STIM1: variants seen among roughly 807,000 people sequenced by gnomAD.
STIM1 encodes stromal interaction molecule 1.
STIM1 carries 25 observed loss-of-function variants against 74.7 expected under a neutral mutation model. The ratio of observed to expected loss-of-function variants is 0.33; its 90% CI spans 0.24 to 0.47. The LOEUF (loss-of-function observed/expected upper bound fraction) is 0.47, where lower values mean the gene tolerates loss of function less well. Ranked by LOEUF, STIM1 falls within the 20% of genes least tolerant of loss-of-function variation. The pLI is 1.00. For synonymous variants in STIM1, 328 were observed against 348.8 expected, an observed-to-expected ratio of 0.94 and a Z score of 0.66; for missense variants, 728 against 920.8, an observed-to-expected ratio of 0.79 and a Z score of 2.71.
chr11:4,012,446 T>C (rs2093847322), intron 2 of STIM1, among the ~76,000 whole-genome samples: 1 of 152,202 alleles, frequency 6.6e-6, no homozygotes, highest in Non-Finnish European at 1.5e-5. Flanking sequence ...TCACATCCCT[T>C]GTAAGTTGGA....
intron 1 of STIM1, among the ~76,000 whole-genome samples, chr11:3,946,436 A>T (rs1461083852): frequency 6.6e-6 from 1 of 152,186 alleles, no homozygotes; most frequent in Non-Finnish European, 1.5e-5. Context: ...AAACCCAGAG[A>T]TGCTTCTGAG....
intron 12 of STIM1, among the ~76,000 whole-genome samples, chr11:4,088,420 C>T (rs11030907): frequency 4.6e-5 from 7 of 152,100 alleles, no homozygotes; most frequent in African/African-American, 1.7e-4. Flanking sequence ...TGCTTGAGGG[C>T]TGTTCCTTTC....
chr11:4,052,908 A>C (rs920936147), intron 3 of STIM1, among the ~76,000 whole-genome samples: 1 of 152,198 alleles, frequency 6.6e-6, no homozygotes, highest in African/African-American at 2.4e-5. Context: ...ACCCCATCAA[A>C]AAGTAGGCGA....
chr11:4,016,541 G>A (rs895844302), intron 2 of STIM1, among the ~76,000 whole-genome samples: 4 of 152,178 alleles, frequency 2.6e-5, no homozygotes, highest in African/African-American at 4.8e-5. Context: ...GTCCATTATC[G>A]GAGCTCAAAC....
chr11:4,020,960 A>AT (rs1205421987), intron 2 of STIM1, among the ~76,000 whole-genome samples: 2 of 151,092 alleles, frequency 1.3e-5, no homozygotes, highest in African/African-American at 4.9e-5. Flanking sequence ...TTTTAATCTG[A>AT]TTTTTTTTCT....
chr11:3,954,376 G>A (rs774945259), intron 1 of STIM1, among the ~76,000 whole-genome samples: 18 of 152,044 alleles, frequency 1.2e-4, no homozygotes, highest in Non-Finnish European at 2.1e-4. Flanking sequence ...AATGTTCATT[G>A]AAGTCTAACC....
intron 1 of STIM1, among the ~76,000 whole-genome samples, chr11:3,933,476 A>G (rs2092895386): frequency 1.3e-5 from 2 of 152,230 alleles, no homozygotes; most frequent in African/African-American, 4.8e-5. Context: ...GTTTAGGTCC[A>G]ACTCTAAAGT....
At chr11:3,963,981 T>C (rs2093315752) in intron 1 of STIM1, among the ~76,000 whole-genome samples, 1 of 152,218 alleles carries the variant, frequency 6.6e-6, no homozygotes, top group African/African-American at 2.4e-5. Flanking sequence ...ATACTTCAAA[T>C]GTATTAAATG....
intron 8 of STIM1, among the ~76,000 whole-genome samples, chr11:4,082,562 G>A (rs962107540): frequency 6.6e-6 from 1 of 152,168 alleles, no homozygotes; most frequent in Non-Finnish European, 1.5e-5. Context: ...ATTCCTGCCT[G>A]TCTTCTGGGA....
chr11:4,074,775 A>C, intron 7 of STIM1, 96 bp downstream of exon 7: 1 of 1,326,020 alleles, frequency 7.5e-7, no homozygotes, highest in Non-Finnish European at 1.0e-6. Context: ...AGGAATTTGA[A>C]ATATGATCCA....
chr11:3,958,021 A>G (rs905210074), intron 1 of STIM1, among the ~76,000 whole-genome samples: 3 of 152,100 alleles, frequency 2.0e-5, no homozygotes, highest in African/African-American at 4.8e-5. Flanking sequence ...GCGTGCCATC[A>G]TGCCCAGCTA....
chr11:3,953,424 C>T (rs1055988928), intron 1 of STIM1, among the ~76,000 whole-genome samples: 1 of 152,220 alleles, frequency 6.6e-6, no homozygotes, highest in Non-Finnish European at 1.5e-5. Context: ...CCTCACCCCA[C>T]AGCCCTTGCT....
chr11:3,995,315 CTTA>C (rs750464583), intron 2 of STIM1, among the ~76,000 whole-genome samples: 14 of 151,962 alleles, frequency 9.2e-5, no homozygotes, highest in African/African-American at 1.5e-4. Flanking sequence ...TCCTCTGGGG[CTTA>C]TTATTATTTG....
intron 1 of STIM1, among the ~76,000 whole-genome samples, chr11:3,912,860 G>A (rs192856198): frequency 6.6e-6 from 1 of 152,312 alleles, no homozygotes; most frequent in East Asian, 1.9e-4. Context: ...TCTGGGGGGT[G>A]AGGATCCAAG....
At chr11:3,897,196 T>C (rs941878441) in intron 1 of STIM1, among the ~76,000 whole-genome samples, 1 of 152,332 alleles carries the variant, frequency 6.6e-6, no homozygotes, top group African/African-American at 2.4e-5. Context: ...CAAGTTACTT[T>C]GTATCTTGTG....
chr11:4,008,064 G>C (rs2093800476), intron 2 of STIM1, among the ~76,000 whole-genome samples: 1 of 151,868 alleles, frequency 6.6e-6, no homozygotes, highest in Non-Finnish European at 1.5e-5. Flanking sequence ...ATAGTCATAG[G>C]CCACATAAGG....
intron 1 of STIM1, among the ~76,000 whole-genome samples, chr11:3,866,041 C>G (rs750193267): frequency 3.9e-5 from 6 of 152,126 alleles, no homozygotes; most frequent in Non-Finnish European, 8.8e-5. Context: ...AGAGAAGGTG[C>G]AGGTTCTAAA....
intron 1 of STIM1, among the ~76,000 whole-genome samples, chr11:3,948,762 A>C (rs973286729): frequency 6.6e-6 from 1 of 152,114 alleles, no homozygotes; most frequent in Non-Finnish European, 1.5e-5. Context: ...AGTTATTCCC[A>C]ATCCTCTAAA....
chr11:4,040,572 C>T (rs534245137), intron 3 of STIM1, among the ~76,000 whole-genome samples: 1 of 152,310 alleles, frequency 6.6e-6, no homozygotes, highest in African/African-American at 2.4e-5. Flanking sequence ...GTTCCACTGC[C>T]GGTTTTCCCA....
Sources: allele counts gnomAD v4.1 joint callset (sites outside exome capture counted in the v4.1 genomes callset), GRCh38; gene constraint gnomAD v4.1.1; transcripts MANE v1.5; gene names NCBI Gene and HGNC (gene_info 2026-07-23, HGNC 2026-07-21).